TIAM1: variants seen among roughly 807,000 people sequenced by gnomAD.
The protein encoded by TIAM1 is TIAM Rac1 associated GEF 1, also known as rho guanine nucleotide exchange factor TIAM1.
Under a neutral mutation model 163.5 loss-of-function variants are expected in TIAM1, and 65 were observed. The ratio of observed to expected loss-of-function variants is 0.40; its 90% CI spans 0.33 to 0.49. TIAM1 has a LOEUF of 0.49. Among genes scored for constraint, TIAM1 ranks in the 20% least tolerant of loss-of-function variants. The pLI, the probability that TIAM1 is intolerant of heterozygous loss-of-function variation, is 0.77. For synonymous variants in TIAM1, 833 were observed against 810.1 expected, an observed-to-expected ratio of 1.03 and a Z score of -0.48; for missense variants, 1,789 against 2,044.7, an observed-to-expected ratio of 0.87 and a Z score of 2.41.
At chr21:31,153,778 G>A (rs574036781) in intron 17 of TIAM1, among the ~76,000 whole-genome samples, 5 of 151,952 alleles carry the variant, frequency 3.3e-5, no homozygotes, top group Admixed American at 3.3e-4. Context: ...TCACAAGAAG[G>A]CTGGGCGTGG....
intron 2 of TIAM1, among the ~76,000 whole-genome samples, chr21:31,456,281 C>T (rs1217631669): frequency 6.6e-6 from 1 of 152,302 alleles, no homozygotes; most frequent in East Asian, 1.9e-4. Flanking sequence ...ATGGAGGAGG[C>T]TCAGGAAGGA....
At chr21:31,278,681 A>G (rs1358617387) in intron 2 of TIAM1, among the ~76,000 whole-genome samples, 1 of 152,212 alleles carries the variant, frequency 6.6e-6, no homozygotes, top group African/African-American at 2.4e-5. Flanking sequence ...CTTGGAAAAT[A>G]TGCTATTTAA....
chr21:31,355,696 C>T (rs1347030750), intron 2 of TIAM1, among the ~76,000 whole-genome samples: 1 of 151,996 alleles, frequency 6.6e-6, no homozygotes, highest in Non-Finnish European at 1.5e-5. Flanking sequence ...GGACTACAGG[C>T]GCGTGCCACC....
intron 6 of TIAM1, among the ~76,000 whole-genome samples, chr21:31,228,219 TTAAAAAAAAAAAAAAAAAAAAAAAAAA>T (rs1401165580): frequency 1.1e-4 from 2 of 17,628 alleles, no homozygotes; most frequent in African/African-American, 2.2e-4. Flanking sequence ...CCTCCTTTTT[TTAAAAAAAAAAAAAAAAAAAAAAAAAA>T]AAAAAAAAAA....
At chr21:31,415,881 A>G (rs1287429156) in intron 2 of TIAM1, among the ~76,000 whole-genome samples, 2 of 152,078 alleles carry the variant, frequency 1.3e-5, no homozygotes, top group Non-Finnish European at 2.9e-5. Flanking sequence ...GCCACCTCCC[A>G]GGTCAAGCTC....
intron 1 of TIAM1, 91 bp from the exon 2 acceptor site, chr21:31,339,513 T>C (rs1295973239): frequency 1.0e-5 from 4 of 397,566 alleles, no homozygotes; most frequent in Non-Finnish European, 1.8e-5. Context: ...AACATTAACG[T>C]GATAACACAG....
intron 12 of TIAM1, among the ~76,000 whole-genome samples, chr21:31,197,740 G>A (rs749240454): frequency 1.3e-5 from 2 of 152,080 alleles, no homozygotes; most frequent in Non-Finnish European, 2.9e-5. Flanking sequence ...CATGTGTCAC[G>A]CCTCTCACGC....
intron 4 of TIAM1, among the ~76,000 whole-genome samples, chr21:31,252,591 G>A (rs1307212414): frequency 6.6e-6 from 1 of 152,174 alleles, no homozygotes; most frequent in Non-Finnish European, 1.5e-5. Context: ...AAATTCTGCA[G>A]GCAGATGAGT....
intron 1 of TIAM1, among the ~76,000 whole-genome samples, chr21:31,535,254 G>A (rs1266523226): frequency 2.6e-5 from 4 of 151,258 alleles, no homozygotes; most frequent in African/African-American, 4.9e-5. Flanking sequence ...GGTGGCAGGC[G>A]CCTGTAGTCC....
At chr21:31,384,101 G>A (rs888712700) in intron 2 of TIAM1, among the ~76,000 whole-genome samples, 3 of 152,028 alleles carry the variant, frequency 2.0e-5, no homozygotes, top group Non-Finnish European at 2.9e-5. Context: ...CGCACTCTGG[G>A]GCCACATATC....
At chr21:31,409,283 T>C (rs921946122) in intron 2 of TIAM1, among the ~76,000 whole-genome samples, 2 of 152,134 alleles carry the variant, frequency 1.3e-5, no homozygotes, top group Non-Finnish European at 2.9e-5. Context: ...CTAATTTTTG[T>C]ATTTTTAGTA....
intron 2 of TIAM1, among the ~76,000 whole-genome samples, chr21:31,438,411 C>T (rs185984862): frequency 4.4e-4 from 67 of 151,836 alleles, no homozygotes; most frequent in Non-Finnish European, 7.5e-4. Flanking sequence ...AGGCTGGTCT[C>T]GAACTCCTGA....
chr21:31,434,357 C>T (rs1381721254), intron 2 of TIAM1, among the ~76,000 whole-genome samples: 1 of 152,162 alleles, frequency 6.6e-6, no homozygotes, highest in Non-Finnish European at 1.5e-5. Flanking sequence ...CCCCAGTGTC[C>T]CGGCTGCTAG....
intron 2 of TIAM1, among the ~76,000 whole-genome samples, chr21:31,287,321 T>C (rs1433586517): frequency 6.6e-6 from 1 of 152,222 alleles, no homozygotes; most frequent in African/African-American, 2.4e-5. Flanking sequence ...TTACTGATGA[T>C]CACACATTCA....
At chr21:31,527,633 T>C (rs1820499439) in intron 1 of TIAM1, among the ~76,000 whole-genome samples, 2 of 152,026 alleles carry the variant, frequency 1.3e-5, no homozygotes, top group African/African-American at 4.8e-5. Context: ...TGTTAAGACA[T>C]TCCCAGAGGG....
intron 2 of TIAM1, among the ~76,000 whole-genome samples, chr21:31,394,453 C>T (rs537545267): frequency 1.6e-4 from 25 of 152,200 alleles, no homozygotes; most frequent in African/African-American, 3.9e-4. Flanking sequence ...TTGGTCCAAA[C>T]GCACAGAAGG....
chr21:31,508,578 A>T (rs939797921), intron 1 of TIAM1, among the ~76,000 whole-genome samples: 2 of 151,956 alleles, frequency 1.3e-5, no homozygotes, highest in African/African-American at 4.8e-5. Context: ...TTCAGTAGAG[A>T]TGGGGTTTCT....
At chr21:31,519,101 G>C (rs978760441) in intron 1 of TIAM1, among the ~76,000 whole-genome samples, 1 of 151,980 alleles carries the variant, frequency 6.6e-6, no homozygotes, top group Admixed American at 6.6e-5. Context: ...CTGAGGTCAG[G>C]AGTTCGAGAC....
In TIAM1 at chr21:31,517,062, A is replaced by G. The variant is rs538411634; in HGVS notation, c.-422+41865T>C. Among the ~76,000 whole-genome samples, 484 of 151,344 alleles carry G rather than the reference A, an allele frequency of 3.2e-3. 3 individuals carry two copies. The highest frequency in any genetic ancestry group is 9.8e-3 in the African/African-American group (404 of 41,140). On this transcript the variant is annotated intron_variant, in intron 1 of 28. Coordinates refer to the TIAM1 transcript ENST00000286827. ...AGACTCTGTCTCAAAAAAAAAAAAAAAAAAGAAAAGAAAAGAAAAGAATAC... is the reference window on the plus strand; with the variant it reads ...AGACTCTGTCTCAAAAAAAAAAAAAGAAAAGAAAAGAAAAGAAAAGAATAC...
Sources: gnomAD v4.1 joint callset for allele counts (sites outside exome capture counted in the v4.1 genomes callset) on GRCh38, gnomAD v4.1.1 for gene constraint, MANE v1.5 for transcripts, NCBI Gene and HGNC (gene_info 2026-07-23, HGNC 2026-07-21) for gene names.